The following GOLM1 variants were observed in gnomAD, a reference collection of about 807,000 sequenced individuals.
The protein encoded by GOLM1 is epididymis luminal protein 46.
A neutral mutation model predicts 50.5 loss-of-function variants in GOLM1; 31 were observed. The observed-to-expected ratio is 0.61, with a 90% CI of 0.46 to 0.83. The LOEUF is 0.83. GOLM1 is among the 40% of genes least tolerant of loss of function. The pLI is 0.00. For missense variants in GOLM1, 491 were observed against 501.3 expected, an observed-to-expected ratio of 0.98 and a Z score of 0.20; for synonymous variants, 178 against 192.8, an observed-to-expected ratio of 0.92 and a Z score of 0.64.
chr9:86,036,326 G>A (rs1490745647), intron 7 of GOLM1, 22 bp downstream of exon 7: 2 of 1,613,544 alleles, frequency 1.2e-6, no homozygotes, highest in South Asian at 1.1e-5. Flanking sequence ...TGGGAACAGG[G>A]CAACTGCTGG....
chr9:86,047,441 C>T (rs539971653), intron 4 of GOLM1, among the ~76,000 whole-genome samples: 123 of 152,276 alleles, frequency 8.1e-4, no homozygotes, highest in Middle Eastern at 3.4e-3. Context: ...ACACACAACA[C>T]GGACTCATCC....
intron 5 of GOLM1, among the ~76,000 whole-genome samples, chr9:86,041,638 T>C (rs1029126150): frequency 2.6e-5 from 4 of 152,174 alleles, no homozygotes; most frequent in African/African-American, 9.7e-5. Context: ...CTGAATCATG[T>C]GACAGTCATC....
At chr9:86,065,794 C>G (rs199889155) in intron 3 of GOLM1, among the ~76,000 whole-genome samples, 1 of 152,190 alleles carries the variant, frequency 6.6e-6, no homozygotes, top group East Asian at 1.9e-4. Context: ...GTAACCCCAG[C>G]ACTTTGGGAG....
intron 1 of GOLM1, among the ~76,000 whole-genome samples, chr9:86,086,260 T>A (rs1442350501): frequency 6.6e-6 from 1 of 152,268 alleles, no homozygotes; most frequent in Non-Finnish European, 1.5e-5. Flanking sequence ...GTTGGCTGCA[T>A]AAATGTCTTC....
chr9:86,094,873 C>T (rs1345511695), intron 1 of GOLM1, among the ~76,000 whole-genome samples: 2 of 152,104 alleles, frequency 1.3e-5, no homozygotes, highest in East Asian at 1.9e-4. Flanking sequence ...CACCTGAGAT[C>T]GGGAGTTCAA....
At chr9:86,053,346 AAC>A (rs1833839619) in intron 3 of GOLM1, among the ~76,000 whole-genome samples, 2 of 113,702 alleles carry the variant, frequency 1.8e-5, no homozygotes, top group Non-Finnish European at 1.8e-5. Context: ...ACCACGCCAC[AAC>A]TCCACACCAC....
At chr9:86,062,539 A>C (rs1248585617) in intron 3 of GOLM1, among the ~76,000 whole-genome samples, 1 of 150,364 alleles carries the variant, frequency 6.7e-6, no homozygotes, top group Non-Finnish European at 1.5e-5. Context: ...AGGGAAGAAA[A>C]GAGGACAGAG....
chr9:86,053,677 C>CAT, intron 3 of GOLM1, among the ~76,000 whole-genome samples: 1 of 147,926 alleles, frequency 6.8e-6, no homozygotes, highest in Non-Finnish European at 1.5e-5. Flanking sequence ...ACACGGCACA[C>CAT]CACTCCACAC....
chr9:86,035,096 G>C, intron 8 of GOLM1: 1 of 985,262 alleles, frequency 1.0e-6, no homozygotes. Flanking sequence ...TTGATGCTAA[G>C]CACCCATCTG....
chr9:86,029,034 G>T (rs116391308), intron 9 of GOLM1, among the ~76,000 whole-genome samples: 1,601 of 151,924 alleles, frequency 0.011, 15 homozygotes, highest in Middle Eastern at 0.048. Context: ...TGTTGTTGTA[G>T]TTTTAGTAGA....
chr9:86,068,976 GT>G (rs34980216), intron 3 of GOLM1, among the ~76,000 whole-genome samples: 38 of 148,672 alleles, frequency 2.6e-4, no homozygotes, highest in Admixed American at 4.0e-4. Flanking sequence ...CAATGTCTGG[GT>G]TTTTTTTTTT....
rs937844288 is a variant in GOLM1 at position 86,027,757 on chromosome 9, C to T, written c.*60G>A. Reference sequence around the variant, plus strand: ...TCACAGTTTTCAGTATTCAGTCCCTCATGAACATTTTATAGTCATCTCTTC... The same window carrying T: ...TCACAGTTTTCAGTATTCAGTCCCTTATGAACATTTTATAGTCATCTCTTC... On this transcript the variant is annotated 3_prime_UTR_variant, in exon 10 of 10. Coordinates refer to ENST00000388712, the MANE Select transcript of GOLM1 (RefSeq NM_016548.4). 10 of 1,581,394 alleles carry T rather than the reference C, an allele frequency of 6.3e-6. No individual in the cohort carries two copies. The Admixed American group carries it at 7.4e-5, about 12-fold the overall frequency.
At chr9:86,094,553 C>G (rs997616815) in intron 1 of GOLM1, among the ~76,000 whole-genome samples, 1 of 152,138 alleles carries the variant, frequency 6.6e-6, no homozygotes, top group Middle Eastern at 3.2e-3. Flanking sequence ...CACCAAAAAG[C>G]GAGGTGGATG....
chr9:86,088,420 G>GTGTGCA (rs1157260470), intron 1 of GOLM1, among the ~76,000 whole-genome samples: 44 of 86,300 alleles, frequency 5.1e-4, no homozygotes, highest in Middle Eastern at 6.3e-3. Context: ...TTTGAAGGGT[G>GTGTGCA]TATATATATA....
intron 9 of GOLM1, among the ~76,000 whole-genome samples, chr9:86,031,460 T>TG (rs1174666616): frequency 6.9e-6 from 1 of 145,564 alleles, no homozygotes; most frequent in Admixed American, 6.8e-5. Flanking sequence ...TTTTTTTTTT[T>TG]TTTTTTTTTT....
intron 9 of GOLM1, 135 bp downstream of exon 9, chr9:86,033,147 T>A: frequency 1.6e-6 from 1 of 627,222 alleles, no homozygotes; most frequent in South Asian, 2.0e-5. Context: ...TAAAAGCTCC[T>A]AAAGAACAGA....
chr9:86,058,722 C>T (rs955861565), intron 3 of GOLM1, among the ~76,000 whole-genome samples: 9 of 136,114 alleles, frequency 6.6e-5, no homozygotes, highest in Non-Finnish European at 1.1e-4. Context: ...ATAGCCAGGG[C>T]GAGGTGGCTC....
chr9:86,060,200 T>A (rs1308347301), intron 3 of GOLM1, among the ~76,000 whole-genome samples: 1 of 152,092 alleles, frequency 6.6e-6, no homozygotes, highest in African/African-American at 2.4e-5. Context: ...GTAGGACATC[T>A]CAGCTGGGAC....
At position 86,031,925 on chromosome 9, in the gene GOLM1, C is replaced by CAAAA. The variant is rs1043805404; in HGVS notation, c.1129+1353_1129+1356dup. ...AGGGTGACAGAGCGAGACTCCATCTCAAAAAAAAAAAAAAAAAAAAAAAAA... is the reference window on the plus strand; with the variant it reads ...AGGGTGACAGAGCGAGACTCCATCTCAAAAAAAAAAAAAAAAAAAAAAAAAAAAA... On this transcript the variant is annotated intron_variant, in intron 9 of 9. Coordinates refer to ENST00000388712, the MANE Select transcript of GOLM1 (RefSeq NM_016548.4). Among the ~76,000 whole-genome samples the CAAAA allele has an allele frequency of 2.1e-3, 75 of 36,064 alleles. 6 individuals are homozygous for CAAAA. Among genetic ancestry groups the CAAAA allele is most frequent in the African/African-American group, 4.2e-3 (42 of 10,054 alleles). The allele number at this position is 36,064 out of a possible 152,430, so 23.7% of individuals were successfully genotyped here.
Sources: allele counts gnomAD v4.1 joint callset (sites outside exome capture counted in the v4.1 genomes callset), GRCh38; gene constraint gnomAD v4.1.1; transcripts MANE v1.5; gene names NCBI Gene and HGNC (gene_info 2026-07-23, HGNC 2026-07-21).